FBXO11: variants seen among roughly 807,000 people sequenced by gnomAD.
FBXO11 encodes F-box protein 11.
In FBXO11, 13 loss-of-function variants were observed where a neutral mutation model predicts 117.0. The ratio of observed to expected loss-of-function variants is 0.11; its 90% CI spans 0.07 to 0.18. The LOEUF is 0.18. Ranked by LOEUF, FBXO11 falls within the 10% of genes least tolerant of loss-of-function variation. The pLI, the probability that FBXO11 is intolerant of heterozygous loss-of-function variation, is 1.00. For synonymous variants in FBXO11, 490 were observed against 380.5 expected, an observed-to-expected ratio of 1.29 and a Z score of -3.35; for missense variants, 767 against 1,164.4, an observed-to-expected ratio of 0.66 and a Z score of 4.97.
At chr2:47,855,819 C>A (rs140543127) in intron 1 of FBXO11, among the ~76,000 whole-genome samples, 7 of 147,614 alleles carry the variant, frequency 4.7e-5, no homozygotes, top group Non-Finnish European at 1.0e-4. Flanking sequence ...GCAACAAGAG[C>A]GAAACTCCAT....
At chr2:47,888,985 T>G (rs1301406943) in intron 1 of FBXO11, among the ~76,000 whole-genome samples, 1 of 152,200 alleles carries the variant, frequency 6.6e-6, no homozygotes, top group Admixed American at 6.5e-5. Flanking sequence ...TAATGTAAAT[T>G]AGGTAATTAT....
At chr2:47,885,686 G>T (rs564340926) in intron 1 of FBXO11, among the ~76,000 whole-genome samples, 1 of 152,296 alleles carries the variant, frequency 6.6e-6, no homozygotes, top group Admixed American at 6.5e-5. Context: ...TCCACAGGTG[G>T]TAGAGTAAAG....
rs780423638 is a variant in FBXO11, at chr2:47,833,015, G to A, written c.990C>T (p.Phe330=). Residue 330 remains phenylalanine, a synonymous_variant, in exon 8 of 23, where the codon TTC becomes TTT. Coordinates refer to ENST00000403359, the MANE Select transcript of FBXO11 (RefSeq NM_001190274.2). ...VIIENTRDST[F]VFMEGSEDAY... is the part of the protein sequence containing the mutation. The stretch of plus-strand genomic sequence containing the variant: ...CATCTTCAGAGCCTTCCATAAAAAC[G>A]AAGGTTGAATCTCTAGTGTTTTCAA... The A allele has an allele frequency of 1.3e-5, 21 of 1,613,712 alleles. No homozygotes were observed. The East Asian group carries it at 2.2e-4, about 17-fold the overall frequency.
In FBXO11 at chr2:47,903,162, T is replaced by A. The variant is rs377570770; in HGVS notation, c.232+2327A>T. Among the ~76,000 whole-genome samples the A allele has an allele frequency of 2.6e-5, 4 of 152,182 alleles. No individual in the cohort carries two copies. The East Asian group carries it at 5.8e-4, about 22-fold the overall frequency. On this transcript the variant is annotated intron_variant, in intron 1 of 22. Transcript: ENST00000403359. ...ATTAAAATGTCAATTTTTCAAAGAATAACATATTTTTCCATATGGCTGGCA... is the reference window on the plus strand; with the variant it reads ...ATTAAAATGTCAATTTTTCAAAGAAAAACATATTTTTCCATATGGCTGGCA...
chr2:47,858,317 C>T (rs1175736935), intron 1 of FBXO11, among the ~76,000 whole-genome samples: 1 of 151,706 alleles, frequency 6.6e-6, no homozygotes, highest in Non-Finnish European at 1.5e-5. Context: ...GCCCACTTAT[C>T]CAAGTTTTCA....
intron 5 of FBXO11, among the ~76,000 whole-genome samples, chr2:47,835,333 G>A (rs1672468653): frequency 6.6e-6 from 1 of 152,162 alleles, no homozygotes; most frequent in African/African-American, 2.4e-5. Flanking sequence ...AACAAATGCT[G>A]AACACTAATA....
intron 4 of FBXO11, chr2:47,837,066 T>C: frequency 4.2e-6 from 1 of 237,006 alleles, no homozygotes; most frequent in Non-Finnish European, 8.7e-6. Flanking sequence ...TAAAAATACT[T>C]TGAACTTAAT....
rs2104665371 is a variant in FBXO11 at position 47,814,003 on chromosome 2, C to T, written c.2007-136G>A. 9.4e-6 allele frequency: 6 copies of T among 639,028 alleles called. No individual in the cohort carries two copies. The East Asian group carries it at 1.7e-4, about 18-fold the overall frequency. The allele number at this position is 639,028 out of a possible 1,614,324, so 39.6% of individuals were successfully genotyped here. On this transcript the variant is annotated intron_variant, in intron 16 of 22. Transcript: ENST00000403359. ...ACTATACAATGGAGTCCAAGATGCC[C>T]TGAGAAGAAAGTGGTTTAATTTTGC...
At chr2:47,893,166 T>TTAAATAAA (rs369987358) in intron 1 of FBXO11, among the ~76,000 whole-genome samples, 6 of 141,478 alleles carry the variant, frequency 4.2e-5, no homozygotes, top group South Asian at 2.2e-4. Flanking sequence ...AAAAAATAAA[T>TTAAATAAA]TAAATAAATA....
In FBXO11 at chr2:47,858,547, T is replaced by C. The variant is rs1026872903; in HGVS notation, c.233-18778A>G. ...AAATACAAAAATTAGCTGGGCATGG[T>C]AGCACATGCCTGTAATTCCAGCTAT... is the stretch of plus-strand genomic sequence containing the variant. On this transcript the variant is annotated intron_variant, in intron 1 of 22. Transcript: ENST00000403359. Among the ~76,000 whole-genome samples the C allele has an allele frequency of 6.0e-5, 9 of 150,534 alleles. No homozygotes were observed. In the South Asian group the frequency reaches 1.9e-3, roughly 32 times the overall value.
chr2:47,823,529 G>C (rs1478124866), intron 11 of FBXO11, among the ~76,000 whole-genome samples, 169 bp from the exon 12 acceptor site: 2 of 152,282 alleles, frequency 1.3e-5, no homozygotes, highest in East Asian at 3.9e-4. Flanking sequence ...CCCTAGGAAG[G>C]TGGATCACCT....
At chr2:47,856,633 G>C (rs1202507945) in intron 1 of FBXO11, among the ~76,000 whole-genome samples, 5 of 152,218 alleles carry the variant, frequency 3.3e-5, no homozygotes. Context: ...AGTTGTATCA[G>C]TTAGTGGAGA....
intron 1 of FBXO11, among the ~76,000 whole-genome samples, chr2:47,842,100 C>A (rs1673056859): frequency 6.6e-6 from 1 of 151,814 alleles, no homozygotes; most frequent in African/African-American, 2.4e-5. Context: ...ACTGCAACCT[C>A]CGTCTCCTGG....
intron 11 of FBXO11, among the ~76,000 whole-genome samples, chr2:47,824,288 G>A (rs1421472459): frequency 6.6e-6 from 1 of 152,124 alleles, no homozygotes; most frequent in East Asian, 1.9e-4. Flanking sequence ...TGGAGCTCGA[G>A]ACCAGCCTGG....
intron 1 of FBXO11, 78 bp downstream of exon 1, chr2:47,905,411 C>A: frequency 9.8e-7 from 1 of 1,024,038 alleles, no homozygotes; most frequent in Non-Finnish European, 1.2e-6. Context: ...CCCCCGCCCG[C>A]CCGCCCGCCC....
At chr2:47,870,284 C>T (rs1219833576) in intron 1 of FBXO11, among the ~76,000 whole-genome samples, 3 of 152,214 alleles carry the variant, frequency 2.0e-5, no homozygotes, top group South Asian at 2.1e-4. Flanking sequence ...TCTGTACTAC[C>T]CATAAATCTA....
intron 1 of FBXO11, among the ~76,000 whole-genome samples, chr2:47,892,197 T>TA (rs1677305001): frequency 6.6e-6 from 1 of 152,158 alleles, no homozygotes; most frequent in South Asian, 2.1e-4. Context: ...CCAAAGACAA[T>TA]GTCACAAAGC....
chr2:47,885,929 C>G (rs1484663830), intron 1 of FBXO11, among the ~76,000 whole-genome samples: 1 of 151,928 alleles, frequency 6.6e-6, no homozygotes, highest in South Asian at 2.1e-4. Context: ...TCTGAACAGT[C>G]CTTCCAAACC....
intron 1 of FBXO11, among the ~76,000 whole-genome samples, chr2:47,842,593 T>C (rs1673098215): frequency 6.6e-6 from 1 of 151,878 alleles, no homozygotes; most frequent in African/African-American, 2.4e-5. Flanking sequence ...CATTTTCTCA[T>C]CTATTAAAGA....
Sources: allele counts gnomAD v4.1 joint callset (sites outside exome capture counted in the v4.1 genomes callset), GRCh38; gene constraint gnomAD v4.1.1; transcripts MANE v1.5; gene names NCBI Gene and HGNC (gene_info 2026-07-23, HGNC 2026-07-21).